PTPRD: variants seen among roughly 807,000 people sequenced by gnomAD.
PTPRD encodes protein tyrosine phosphatase receptor type D, also known as receptor-type tyrosine-protein phosphatase delta.
A neutral mutation model predicts 214.5 loss-of-function variants in PTPRD; 34 were observed. That is an observed-to-expected ratio of 0.16 (90% CI 0.12 to 0.21). PTPRD has a LOEUF of 0.21. Ranked by LOEUF, PTPRD falls within the 10% of genes least tolerant of loss-of-function variation. PTPRD has a pLI of 1.00. For synonymous variants in PTPRD, 1,128 were observed against 845.7 expected (o/e 1.33, Z -5.79); for missense variants, 2,545 against 2,398.7 (o/e 1.06, Z -1.27).
intron 11 of PTPRD, among the ~76,000 whole-genome samples, chr9:8,763,381 G>A (rs1361454850): frequency 2.0e-5 from 3 of 151,968 alleles, no homozygotes; most frequent in South Asian, 2.1e-4. Flanking sequence ...GGGTATGGTG[G>A]CTCATGCCTG....
rs2097984662 is a variant in PTPRD at position 8,524,929 on chromosome 9, G to C, written c.675C>G (p.Val225=). The C allele has an allele frequency of 4.3e-6, 7 of 1,612,994 alleles. No individual in the cohort carries two copies. In the Middle Eastern group the frequency reaches 4.9e-4, roughly 114 times the overall value. The part of the protein sequence containing the change: ...TRYSAPANLY[V]RELREVRRVP... ...CCAGGGTTATGTCATTCCTACCTCTGACATATAAATTGGCAGGAGCGGAAT... is the reference window on the plus strand; with the variant it reads ...CCAGGGTTATGTCATTCCTACCTCTCACATATAAATTGGCAGGAGCGGAAT... The change falls in exon 18 of 46, where the codon GTC becomes GTG. Residue 225 remains valine (V), a synonymous_variant. Coordinates refer to ENST00000381196, the MANE Select transcript of PTPRD (RefSeq NM_002839.4).
chr9:9,961,869 A>G (rs544400256), intron 4 of PTPRD, among the ~76,000 whole-genome samples: 1 of 152,154 alleles, frequency 6.6e-6, no homozygotes, highest in African/African-American at 2.4e-5. Flanking sequence ...TCATGGTATT[A>G]TTTCCACTAG....
At chr9:9,690,275 T>A (rs929427780) in intron 7 of PTPRD, among the ~76,000 whole-genome samples, 1 of 151,888 alleles carries the variant, frequency 6.6e-6, no homozygotes. Flanking sequence ...TGTTGGCCAT[T>A]TGTGTGTCTT....
At chr9:10,443,845 TCA>T (rs141638837) in intron 2 of PTPRD, among the ~76,000 whole-genome samples, 16 of 148,562 alleles carry the variant, frequency 1.1e-4, no homozygotes, top group African/African-American at 1.2e-4. Context: ...TACCTCAAAT[TCA>T]CACACACACA....
chr9:9,302,464 A>T (rs1955674875), intron 9 of PTPRD, among the ~76,000 whole-genome samples: 1 of 116,876 alleles, frequency 8.6e-6, no homozygotes, highest in South Asian at 3.1e-4. Flanking sequence ...GACAAAGTTT[A>T]TGCATTTTAG....
At chr9:9,673,263 A>C (rs1027632438) in intron 7 of PTPRD, among the ~76,000 whole-genome samples, 1 of 151,934 alleles carries the variant, frequency 6.6e-6, no homozygotes, top group Non-Finnish European at 1.5e-5. Context: ...TCCACCATTG[A>C]ACTATCAGCT....
At chr9:9,940,417 G>C (rs1332278169) in intron 4 of PTPRD, among the ~76,000 whole-genome samples, 2 of 152,106 alleles carry the variant, frequency 1.3e-5, no homozygotes, top group East Asian at 3.9e-4. Context: ...GGATAGGAAA[G>C]AAAGAGTGAG....
At chr9:9,884,484 C>G (rs528381960) in intron 5 of PTPRD, among the ~76,000 whole-genome samples, 5 of 152,178 alleles carry the variant, frequency 3.3e-5, no homozygotes, top group South Asian at 2.1e-4. Flanking sequence ...CACCACCAAA[C>G]TAAAGCATGT....
intron 14 of PTPRD, among the ~76,000 whole-genome samples, chr9:8,531,967 A>G (rs1453673382): frequency 6.6e-6 from 1 of 152,098 alleles, no homozygotes; most frequent in African/African-American, 2.4e-5. Context: ...CCTGGCTCAT[A>G]AAGAACACTC....
At chr9:9,860,285 A>G (rs2062442724) in intron 5 of PTPRD, among the ~76,000 whole-genome samples, 1 of 152,258 alleles carries the variant, frequency 6.6e-6, no homozygotes, top group Non-Finnish European at 1.5e-5. Flanking sequence ...CAGCTACAAA[A>G]ATCATCATTG....
chr9:8,962,465 C>T (rs1324606934), intron 11 of PTPRD, among the ~76,000 whole-genome samples: 1 of 151,824 alleles, frequency 6.6e-6, no homozygotes, highest in Non-Finnish European at 1.5e-5. Flanking sequence ...TTTTGGCAGT[C>T]ATCTTCCCTA....
At chr9:8,862,235 A>C (rs2098119821) in intron 11 of PTPRD, 2 of 152,214 alleles carry the variant, frequency 1.3e-5, no homozygotes, top group African/African-American at 4.8e-5. Flanking sequence ...ACGTGTCTGT[A>C]ATCCCAGCTA....
chr9:10,175,169 T>C (rs16931219), intron 3 of PTPRD, among the ~76,000 whole-genome samples: 16,242 of 152,056 alleles, frequency 0.11, 1,122 homozygotes, highest in South Asian at 0.2. Flanking sequence ...CAGGATGCTG[T>C]GCCTGCAATA....
intron 4 of PTPRD, among the ~76,000 whole-genome samples, chr9:9,985,547 C>G (rs987292491): frequency 2.0e-5 from 3 of 151,944 alleles, no homozygotes; most frequent in African/African-American, 4.8e-5. Context: ...AGATGATGGT[C>G]AAAATGATAT....
At chr9:10,341,268 C>T (rs2096934222) in intron 2 of PTPRD, among the ~76,000 whole-genome samples, 1 of 151,920 alleles carries the variant, frequency 6.6e-6, no homozygotes, top group African/African-American at 2.4e-5. Context: ...TCAGAAAGTA[C>T]ATACAAGAAA....
intron 2 of PTPRD, among the ~76,000 whole-genome samples, chr9:10,382,126 C>G (rs16925935): frequency 0.027 from 4,098 of 151,894 alleles, 194 homozygotes; most frequent in African/African-American, 0.094. Flanking sequence ...GTATTAAAGT[C>G]TGAGGTTGGA....
chr9:8,527,535 G>A (rs995747117), intron 15 of PTPRD, among the ~76,000 whole-genome samples, 182 bp from the exon 16 acceptor site: 1 of 151,904 alleles, frequency 6.6e-6, no homozygotes, highest in Non-Finnish European at 1.5e-5. Context: ...CTGACAACAA[G>A]CAAAAGAGGC....
At chr9:9,332,929 A>T (rs749842155) in intron 9 of PTPRD, among the ~76,000 whole-genome samples, 1 of 152,068 alleles carries the variant, frequency 6.6e-6, no homozygotes, top group African/African-American at 2.4e-5. Context: ...ACGCTGTGTT[A>T]TTCTCTTATG....
chr9:8,426,781 A>T (rs1299194063), intron 35 of PTPRD, among the ~76,000 whole-genome samples: 1 of 150,238 alleles, frequency 6.7e-6, no homozygotes, highest in Non-Finnish European at 1.5e-5. Flanking sequence ...TAATGTTAGT[A>T]AAGAAAATGT....
Sources: allele counts gnomAD v4.1 joint callset (sites outside exome capture counted in the v4.1 genomes callset), GRCh38; gene constraint gnomAD v4.1.1; transcripts MANE v1.5; gene names NCBI Gene and HGNC (gene_info 2026-07-23, HGNC 2026-07-21).